SLC4A10: variants seen among roughly 807,000 people sequenced by gnomAD.
SLC4A10 encodes the protein solute carrier family 4 member 10, also known as sodium-driven chloride bicarbonate exchanger.
A neutral mutation model predicts 137.7 loss-of-function variants in SLC4A10; 42 were observed. That is an observed-to-expected ratio of 0.30 (90% CI 0.24 to 0.39). The LOEUF is 0.39. Among genes scored for constraint, SLC4A10 ranks in the 10% least tolerant of loss-of-function variants. The pLI, the probability that SLC4A10 is intolerant of heterozygous loss-of-function variation, is 1.00. For synonymous variants in SLC4A10, 474 were observed against 464.1 expected (o/e 1.02, Z -0.27); for missense variants, 925 against 1,355.0 (o/e 0.68, Z 4.98).
chr2:161,842,397 CT>C (rs1328179640), intron 4 of SLC4A10, among the ~76,000 whole-genome samples: 1 of 151,980 alleles, frequency 6.6e-6, no homozygotes, highest in Non-Finnish European at 1.5e-5. Context: ...AAACATAAAT[CT>C]CATTGTTTTA....
chr2:161,963,015 CAG>C (rs1696990357), intron 21 of SLC4A10, among the ~76,000 whole-genome samples: 1 of 152,036 alleles, frequency 6.6e-6, no homozygotes, highest in African/African-American at 2.4e-5. Context: ...TGAAATAAAA[CAG>C]TGACTGACAG....
intron 1 of SLC4A10, among the ~76,000 whole-genome samples, chr2:161,738,978 A>T (rs2047616273): frequency 1.3e-5 from 2 of 152,160 alleles, no homozygotes; most frequent in Admixed American, 6.6e-5. Context: ...GAAGATATAA[A>T]CCCACCTCTA....
At chr2:161,891,110 T>C (rs2062862670) in intron 10 of SLC4A10, among the ~76,000 whole-genome samples, 1 of 152,190 alleles carries the variant, frequency 6.6e-6, no homozygotes, top group Non-Finnish European at 1.5e-5. Flanking sequence ...TTTAAGAATG[T>C]TGAATATTGG....
At chr2:161,917,009 A>T (rs1008759406) in intron 15 of SLC4A10, among the ~76,000 whole-genome samples, 3 of 152,202 alleles carry the variant, frequency 2.0e-5, no homozygotes, top group African/African-American at 7.2e-5. Flanking sequence ...TACATTTCCC[A>T]AAAATGTTTC....
chr2:161,717,811 T>C (rs1341164636), intron 1 of SLC4A10, among the ~76,000 whole-genome samples: 2 of 152,172 alleles, frequency 1.3e-5, no homozygotes, highest in African/African-American at 2.4e-5. Flanking sequence ...CCTCATAAAA[T>C]GGTTTACAGA....
intron 3 of SLC4A10, among the ~76,000 whole-genome samples, chr2:161,806,851 T>C (rs2056029667): frequency 1.3e-5 from 2 of 152,134 alleles, no homozygotes; most frequent in African/African-American, 4.8e-5. Context: ...CACTTCCACA[T>C]TTTCAGGTAT....
intron 2 of SLC4A10, 79 bp from the exon 3 acceptor site, chr2:161,804,370 C>T (rs1407811898): frequency 2.1e-6 from 3 of 1,421,834 alleles, no homozygotes; most frequent in African/African-American, 2.9e-5. Context: ...TAAATTGAGT[C>T]TCCATTAACA....
chr2:161,723,558 A>T (rs1271457610), intron 1 of SLC4A10, among the ~76,000 whole-genome samples: 1 of 152,230 alleles, frequency 6.6e-6, no homozygotes, highest in East Asian at 1.9e-4. Flanking sequence ...TATTATTATC[A>T]TAATCTTTCT....
At chr2:161,963,664 G>A (rs1009954201) in intron 21 of SLC4A10, among the ~76,000 whole-genome samples, 11 of 152,156 alleles carry the variant, frequency 7.2e-5, no homozygotes, top group Non-Finnish European at 1.5e-4. Context: ...AGGCAGAGAC[G>A]TAGGTCCGTG....
chr2:161,745,017 A>C (rs894596761), intron 1 of SLC4A10, among the ~76,000 whole-genome samples: 1 of 152,096 alleles, frequency 6.6e-6, no homozygotes, highest in African/African-American at 2.4e-5. Context: ...TTTTTGCATG[A>C]CAAGTCTTGT....
At chr2:161,853,158 G>A (rs937389298) in intron 4 of SLC4A10, among the ~76,000 whole-genome samples, 1 of 152,044 alleles carries the variant, frequency 6.6e-6, no homozygotes, top group Non-Finnish European at 1.5e-5. Context: ...TATGATTAAC[G>A]AAAATGGTGA....
chr2:161,983,333 G>T lies in SLC4A10; in HGVS notation c.*181G>T. ...GCTTTGATCATGTATTGTAAATTCT[G>T]TCCCTCAACCCAAATCCACCTTCAT... On this transcript the variant is annotated 3_prime_UTR_variant, in exon 27 of 27. Transcript: ENST00000446997. 1 of 1,258,858 alleles carries T rather than the reference G, an allele frequency of 7.9e-7. No homozygotes were observed. Among genetic ancestry groups the T allele is most frequent in the Non-Finnish European group, 1.1e-6 (1 of 907,748 alleles). 78.0% of individuals were successfully genotyped at this position (1,258,858 alleles called of 1,614,324 possible). A position where few individuals can be genotyped will look rare whatever the true frequency, so the allele number is the denominator to read the frequency against.
At chr2:161,671,333 A>C (rs919448246) in intron 1 of SLC4A10, among the ~76,000 whole-genome samples, 4 of 152,160 alleles carry the variant, frequency 2.6e-5, no homozygotes, top group African/African-American at 9.6e-5. Flanking sequence ...CCAGCACCTT[A>C]ATCTTGGACT....
At chr2:161,657,107 A>AT (rs2037645936) in intron 1 of SLC4A10, among the ~76,000 whole-genome samples, 1 of 73,538 alleles carries the variant, frequency 1.4e-5, no homozygotes, top group Non-Finnish European at 3.1e-5. Context: ...AACACGACAA[A>AT]TTTGCAGCAT....
chr2:161,854,545 A>C (rs2059996337), intron 4 of SLC4A10, among the ~76,000 whole-genome samples: 1 of 152,188 alleles, frequency 6.6e-6, no homozygotes, highest in African/African-American at 2.4e-5. Context: ...TAAGAAAATT[A>C]CCAAGAGACT....
At chr2:161,742,439 C>CTTTTTTTTTTTTTTTTTTTTTTTTTTTCT (rs35953656) in intron 1 of SLC4A10, among the ~76,000 whole-genome samples, 1 of 82,564 alleles carries the variant, frequency 1.2e-5, no homozygotes, top group Non-Finnish European at 2.1e-5. Flanking sequence ...TTCTTTCTTT[C>CTTTTTTTTTTTTTTTTTTTTTTTTTTTCT]TTTTTTTTTT....
chr2:161,719,656 T>G (rs928627003), intron 1 of SLC4A10, among the ~76,000 whole-genome samples: 1 of 152,266 alleles, frequency 6.6e-6, no homozygotes. Flanking sequence ...TGACCAGTGA[T>G]GATGAGCATT....
intron 21 of SLC4A10, among the ~76,000 whole-genome samples, chr2:161,963,609 C>T (rs375587848): frequency 3.9e-5 from 6 of 151,996 alleles, no homozygotes; most frequent in African/African-American, 9.7e-5. Flanking sequence ...GTTAAAATAC[C>T]GTACTTAGCA....
At chr2:161,977,648 A>C in intron 25 of SLC4A10, 74 bp from the exon 26 acceptor site, 1 of 1,293,026 alleles carries the variant, frequency 7.7e-7, no homozygotes. Flanking sequence ...TACTATAATT[A>C]TAAAGTTCCT....
Sources: allele counts gnomAD v4.1 joint callset (sites outside exome capture counted in the v4.1 genomes callset), GRCh38; gene constraint gnomAD v4.1.1; transcripts MANE v1.5; gene names NCBI Gene and HGNC (gene_info 2026-07-23, HGNC 2026-07-21).